The following PITPNC1 variants were observed in gnomAD, a reference collection of about 807,000 sequenced individuals.
The protein encoded by PITPNC1 is phosphatidylinositol transfer protein cytoplasmic 1, also known as cytoplasmic phosphatidylinositol transfer protein 1.
PITPNC1 carries 18 observed loss-of-function variants against 44.7 expected under a neutral mutation model. The observed-to-expected ratio is 0.40, with a 90% CI of 0.28 to 0.60. The LOEUF (loss-of-function observed/expected upper bound fraction) is 0.60, where lower values mean the gene tolerates loss of function less well. PITPNC1 is among the 20% of genes least tolerant of loss of function. The pLI is 0.39. For missense variants in PITPNC1, 290 were observed against 418.4 expected (o/e 0.69, Z 2.68); for synonymous variants, 141 against 149.6 (o/e 0.94, Z 0.42).
At chr17:67,573,929 G>A (rs531641707) in intron 4 of PITPNC1, among the ~76,000 whole-genome samples, 1 of 152,290 alleles carries the variant, frequency 6.6e-6, no homozygotes, top group Non-Finnish European at 1.5e-5. Context: ...ATAGATGGGG[G>A]AAGAAATAGG....
intron 1 of PITPNC1, among the ~76,000 whole-genome samples, chr17:67,393,571 A>G (rs1163647227): frequency 2.0e-5 from 3 of 152,218 alleles, no homozygotes; most frequent in African/African-American, 7.2e-5. Context: ...TTTGGGTGGC[A>G]TTAATGACTC....
At chr17:67,587,609 T>C (rs549824606) in intron 5 of PITPNC1, among the ~76,000 whole-genome samples, 3 of 152,324 alleles carry the variant, frequency 2.0e-5, no homozygotes, top group Admixed American at 6.5e-5. Context: ...TTCTAGATGC[T>C]CCGAGATAGA....
chr17:67,451,407 G>T (rs1655802497), intron 1 of PITPNC1, among the ~76,000 whole-genome samples: 1 of 152,052 alleles, frequency 6.6e-6, no homozygotes, highest in African/African-American at 2.4e-5. Context: ...AACAACAAAA[G>T]CTCTTAAGTT....
intron 2 of PITPNC1, among the ~76,000 whole-genome samples, chr17:67,534,646 A>G (rs1368617231): frequency 2.8e-5 from 4 of 141,732 alleles, no homozygotes; most frequent in Non-Finnish European, 6.4e-5. Flanking sequence ...CTCAAAAAAA[A>G]AGAAAAGAAA....
chr17:67,542,526 G>A (rs1036060908), intron 2 of PITPNC1, among the ~76,000 whole-genome samples: 3 of 152,170 alleles, frequency 2.0e-5, no homozygotes, highest in Non-Finnish European at 4.4e-5. Flanking sequence ...GCAGGCATTG[G>A]AGAGAATCCC....
intron 2 of PITPNC1, among the ~76,000 whole-genome samples, chr17:67,542,275 G>A (rs563266608): frequency 9.9e-5 from 15 of 152,262 alleles, no homozygotes; most frequent in African/African-American, 3.4e-4. Flanking sequence ...TGGAACCAGG[G>A]AGATTATGAG....
intron 1 of PITPNC1, among the ~76,000 whole-genome samples, chr17:67,527,680 G>C (rs1414572684): frequency 1.3e-5 from 2 of 151,836 alleles, no homozygotes; most frequent in Non-Finnish European, 2.9e-5. Context: ...CAGCCTGGGA[G>C]ACAGAGCGAG....
At chr17:67,686,542 T>G (rs2042819449) in intron 8 of PITPNC1, among the ~76,000 whole-genome samples, 1 of 152,198 alleles carries the variant, frequency 6.6e-6, no homozygotes, top group Non-Finnish European at 1.5e-5. Context: ...TACATCTGTG[T>G]GCAAGTTGCA....
intron 2 of PITPNC1, among the ~76,000 whole-genome samples, chr17:67,541,308 A>G (rs1475910261): frequency 6.6e-6 from 1 of 152,214 alleles, no homozygotes; most frequent in African/African-American, 2.4e-5. Flanking sequence ...GCCATTTTCT[A>G]TCAAGATGAA....
At chr17:67,576,650 A>T (rs558332697) in intron 4 of PITPNC1, among the ~76,000 whole-genome samples, 2 of 152,168 alleles carry the variant, frequency 1.3e-5, no homozygotes. Flanking sequence ...ACCAACATCC[A>T]TCAAAATTCT....
intron 5 of PITPNC1, among the ~76,000 whole-genome samples, chr17:67,610,298 G>A (rs1323537453): frequency 1.3e-5 from 2 of 152,160 alleles, no homozygotes; most frequent in East Asian, 3.8e-4. Context: ...TGCTGGAAGG[G>A]CCTGTTCTGT....
intron 1 of PITPNC1, among the ~76,000 whole-genome samples, chr17:67,403,242 G>A (rs1352729341): frequency 6.6e-3 from 356 of 54,320 alleles, no homozygotes; most frequent in Middle Eastern, 0.019. Context: ...AAAAAAAAAA[G>A]TCATGACTGC....
chr17:67,384,983 C>T (rs1002764535), intron 1 of PITPNC1, among the ~76,000 whole-genome samples: 2 of 152,144 alleles, frequency 1.3e-5, no homozygotes, highest in Non-Finnish European at 2.9e-5. Flanking sequence ...AGAACGAGCA[C>T]AATTTTGAGA....
At chr17:67,588,907 C>T (rs779246917) in intron 5 of PITPNC1, among the ~76,000 whole-genome samples, 1 of 152,188 alleles carries the variant, frequency 6.6e-6, no homozygotes, top group Admixed American at 6.5e-5. Flanking sequence ...TATTTTTAGA[C>T]GTGATCTCTG....
intron 1 of PITPNC1, among the ~76,000 whole-genome samples, chr17:67,402,858 A>C (rs762740434): frequency 8.5e-5 from 13 of 152,076 alleles, no homozygotes; most frequent in Non-Finnish European, 1.6e-4. Flanking sequence ...GTAGAGACAG[A>C]GTTTCACCAT....
chr17:67,410,556 T>G (rs1266334296), intron 1 of PITPNC1, among the ~76,000 whole-genome samples: 1 of 151,940 alleles, frequency 6.6e-6, no homozygotes, highest in Non-Finnish European at 1.5e-5. Context: ...GCTAATTTTT[T>G]TGATTTTTTT....
chr17:67,460,714 C>T (rs2039323141), intron 1 of PITPNC1, among the ~76,000 whole-genome samples: 1 of 150,764 alleles, frequency 6.6e-6, no homozygotes, highest in Non-Finnish European at 1.5e-5. Context: ...CGTGCCCGGC[C>T]CTTTCTTTTT....
chr17:67,430,590 G>T (rs1220340779), intron 1 of PITPNC1, among the ~76,000 whole-genome samples: 1 of 152,098 alleles, frequency 6.6e-6, no homozygotes, highest in Non-Finnish European at 1.5e-5. Flanking sequence ...GGTGGAAGCG[G>T]GAGGATTGCT....
At chr17:67,588,293 C>T (rs542275549) in intron 5 of PITPNC1, among the ~76,000 whole-genome samples, 143 of 152,292 alleles carry the variant, frequency 9.4e-4, no homozygotes, top group African/African-American at 3.2e-3. Context: ...CGTGAGCCAC[C>T]GTGCCCAGCC....
Sources: gnomAD v4.1 joint callset for allele counts (sites outside exome capture counted in the v4.1 genomes callset) on GRCh38, gnomAD v4.1.1 for gene constraint, MANE v1.5 for transcripts, NCBI Gene and HGNC (gene_info 2026-07-23, HGNC 2026-07-21) for gene names.